The following PAN3 variants were observed in gnomAD, a reference collection of about 807,000 sequenced individuals.
PAN3 encodes PAN2-PAN3 deadenylation complex subunit PAN3.
A neutral mutation model predicts 96.2 loss-of-function variants in PAN3; 19 were observed. The ratio of observed to expected loss-of-function variants is 0.20; its 90% confidence interval spans 0.14 to 0.29. The LOEUF is 0.29. Ranked by LOEUF, PAN3 falls within the 10% of genes least tolerant of loss-of-function variation. The pLI is 1.00. For synonymous variants in PAN3, 433 were observed against 406.6 expected (o/e 1.06, Z -0.78); for missense variants, 882 against 1,108.1 (o/e 0.80, Z 2.90).
chr13:28,195,585 G>C (rs1396293257), intron 4 of PAN3, among the ~76,000 whole-genome samples: 2 of 152,084 alleles, frequency 1.3e-5, no homozygotes, highest in Admixed American at 6.5e-5. Context: ...GCCCAGGCTG[G>C]AGTGCAGTGT....
intron 5 of PAN3, among the ~76,000 whole-genome samples, chr13:28,203,054 C>G (rs1878928536): frequency 6.6e-6 from 1 of 151,642 alleles, no homozygotes; most frequent in Non-Finnish European, 1.5e-5. Context: ...CCTCTGCCTC[C>G]CAGGCTCAAG....
chr13:28,254,544 G>A (rs896595657), intron 6 of PAN3, among the ~76,000 whole-genome samples: 16 of 152,166 alleles, frequency 1.1e-4, no homozygotes, highest in African/African-American at 3.6e-4. Context: ...TTTTAGACAA[G>A]TAGGGAGTTT....
intron 1 of PAN3, among the ~76,000 whole-genome samples, chr13:28,160,083 A>C (rs1411573690): frequency 6.6e-6 from 1 of 152,036 alleles, no homozygotes; most frequent in Non-Finnish European, 1.5e-5. Flanking sequence ...CTGGGGTTAC[A>C]GGTGTACGCC....
intron 14 of PAN3, among the ~76,000 whole-genome samples, chr13:28,276,543 A>C (rs1319635588): frequency 2.0e-5 from 3 of 152,178 alleles, no homozygotes; most frequent in African/African-American, 7.2e-5. Flanking sequence ...CAGAATGGTA[A>C]ATCTTGAGTG....
chr13:28,157,407 G>A (rs541989494), intron 1 of PAN3, among the ~76,000 whole-genome samples: 1 of 152,270 alleles, frequency 6.6e-6, no homozygotes, highest in East Asian at 1.9e-4. Flanking sequence ...CAAATAAGAA[G>A]AGAGGAAGTC....
intron 9 of PAN3, among the ~76,000 whole-genome samples, chr13:28,263,575 C>T (rs1287465493): frequency 2.0e-5 from 3 of 152,232 alleles, no homozygotes; most frequent in African/African-American, 7.2e-5. Flanking sequence ...AAGTGATCCA[C>T]CTGCCTCAGC....
chr13:28,286,810 C>G (rs1869036929), intron 17 of PAN3, among the ~76,000 whole-genome samples: 1 of 152,134 alleles, frequency 6.6e-6, no homozygotes, highest in African/African-American at 2.4e-5. Flanking sequence ...CTTGGAGTGA[C>G]CTTTGCAAAC....
chr13:28,274,174 T>C (rs921196134), intron 14 of PAN3, among the ~76,000 whole-genome samples: 2 of 152,198 alleles, frequency 1.3e-5, no homozygotes, highest in African/African-American at 2.4e-5. Context: ...AGTTCTGTTT[T>C]TCCCCCAGCA....
chr13:28,180,417 GGTTGA>G (rs1365359617), intron 4 of PAN3, among the ~76,000 whole-genome samples: 4 of 152,112 alleles, frequency 2.6e-5, no homozygotes, highest in African/African-American at 7.2e-5. Flanking sequence ...AATTGTTAAT[GGTTGA>G]GTTGAGAAGG....
chr13:28,254,307 A>G (rs552953291), intron 6 of PAN3, among the ~76,000 whole-genome samples: 1 of 152,336 alleles, frequency 6.6e-6, no homozygotes, highest in East Asian at 1.9e-4. Flanking sequence ...TCTGAAATAA[A>G]TATGCTATAC....
At chr13:28,209,367 C>G (rs1879762212) in intron 5 of PAN3, among the ~76,000 whole-genome samples, 1 of 152,234 alleles carries the variant, frequency 6.6e-6, no homozygotes, top group Non-Finnish European at 1.5e-5. Context: ...CGTGCATACG[C>G]ATTCCCCCAT....
At chr13:28,187,148 G>A (rs916481483) in intron 4 of PAN3, among the ~76,000 whole-genome samples, 7 of 151,752 alleles carry the variant, frequency 4.6e-5, no homozygotes, top group African/African-American at 9.7e-5. Flanking sequence ...GCAACATGGC[G>A]AAACACTGTC....
chr13:28,225,156 A>G (rs1271778108), intron 6 of PAN3, among the ~76,000 whole-genome samples: 1 of 152,182 alleles, frequency 6.6e-6, no homozygotes, highest in Non-Finnish European at 1.5e-5. Context: ...TTGGTGGGTA[A>G]AATTGGCTAA....
intron 1 of PAN3, among the ~76,000 whole-genome samples, chr13:28,160,009 C>G (rs951843418): frequency 2.0e-5 from 3 of 151,852 alleles, no homozygotes; most frequent in African/African-American, 7.3e-5. Context: ...GTGATCTTGG[C>G]TCACTGCAAC....
intron 6 of PAN3, among the ~76,000 whole-genome samples, chr13:28,253,390 G>A (rs929469063): frequency 6.6e-6 from 1 of 152,062 alleles, no homozygotes; most frequent in Non-Finnish European, 1.5e-5. Context: ...CTCTCCAAGT[G>A]GATGTGTAGA....
chr13:28,255,368 A>G (rs920033902), intron 6 of PAN3, among the ~76,000 whole-genome samples: 25 of 152,142 alleles, frequency 1.6e-4, no homozygotes, highest in Non-Finnish European at 1.2e-4. Context: ...GCATTTATGC[A>G]TGTAGTTTGT....
intron 6 of PAN3, among the ~76,000 whole-genome samples, chr13:28,228,623 C>T (rs1345652421): frequency 1.3e-5 from 2 of 152,180 alleles, no homozygotes; most frequent in Non-Finnish European, 2.9e-5. Flanking sequence ...TAACTAATAA[C>T]TAGTAGTCAT....
intron 1 of PAN3, among the ~76,000 whole-genome samples, chr13:28,164,532 A>T (rs1457991967): frequency 2.0e-5 from 3 of 152,228 alleles, no homozygotes; most frequent in Admixed American, 1.3e-4. Context: ...GTCTTCTATG[A>T]TGGAACTCTA....
chr13:28,141,414 TGACA>T (rs1051197897), intron 1 of PAN3, among the ~76,000 whole-genome samples: 94 of 151,954 alleles, frequency 6.2e-4, no homozygotes, highest in African/African-American at 2.2e-3. Flanking sequence ...ATCTTATTCC[TGACA>T]GACAGCTCTG....
Sources: gnomAD v4.1 joint callset for allele counts (sites outside exome capture counted in the v4.1 genomes callset) on GRCh38, gnomAD v4.1.1 for gene constraint, MANE v1.5 for transcripts, NCBI Gene and HGNC (gene_info 2026-07-23, HGNC 2026-07-21) for gene names.